SNX27: variants seen among roughly 807,000 people sequenced by gnomAD.
The protein encoded by SNX27 is sorting nexin-27.
Under a neutral mutation model 71.6 loss-of-function variants are expected in SNX27, and 22 were observed. The ratio of observed to expected loss-of-function variants is 0.31; its 90% CI spans 0.22 to 0.44. The LOEUF (loss-of-function observed/expected upper bound fraction) is 0.44, where lower values mean the gene tolerates loss of function less well. SNX27 is among the 20% of genes least tolerant of loss of function. The pLI, the probability that SNX27 is intolerant of heterozygous loss-of-function variation, is 1.00. For synonymous variants in SNX27, 269 were observed against 277.2 expected (o/e 0.97, Z 0.29); for missense variants, 531 against 698.6 (o/e 0.76, Z 2.70).
In SNX27 at chr1:151,698,314, G is replaced by A. The variant is rs568245994; in HGVS notation, c.*3897G>A. The A allele has an allele frequency of 1.3e-5, 2 of 152,574 alleles. No homozygotes were observed. The highest frequency in any genetic ancestry group is 3.9e-4 in the East Asian group (2 of 5,182). 9.5% of individuals were successfully genotyped at this position (152,574 alleles called of 1,614,324 possible). A position where few individuals can be genotyped will look rare whatever the true frequency, so the allele number is the denominator to read the frequency against. On this transcript the variant is annotated 3_prime_UTR_variant, in exon 12 of 12. Transcript: ENST00000458013. Reference sequence around the variant, plus strand: ...TGCCAACTTCTGGGCTGGGCTCCTAGGAGGTAGTTTTCTTGAAGGGGACTG... The same window carrying A: ...TGCCAACTTCTGGGCTGGGCTCCTAAGAGGTAGTTTTCTTGAAGGGGACTG...
At chr1:151,618,213 C>T (rs971898260) in intron 1 of SNX27, among the ~76,000 whole-genome samples, 1 of 152,002 alleles carries the variant, frequency 6.6e-6, no homozygotes, top group African/African-American at 2.4e-5. Context: ...AACTTTGGTT[C>T]TACTATTGTG....
At chr1:151,615,676 A>C (rs917111339) in intron 1 of SNX27, 1 of 983,048 alleles carries the variant, frequency 1.0e-6, no homozygotes, top group Admixed American at 6.2e-5. Flanking sequence ...GTATCAAGTC[A>C]TAGGTGAATG....
intron 2 of SNX27, among the ~76,000 whole-genome samples, chr1:151,651,096 C>T (rs1194189617): frequency 7.2e-5 from 11 of 151,880 alleles, no homozygotes; most frequent in African/African-American, 1.7e-4. Context: ...CATCCTGGCC[C>T]GTTCTCAATG....
At chr1:151,653,161 A>T (rs1358545587) in intron 2 of SNX27, among the ~76,000 whole-genome samples, 1 of 151,982 alleles carries the variant, frequency 6.6e-6, no homozygotes, top group African/African-American at 2.4e-5. Flanking sequence ...TCCTGATCTC[A>T]GGTGATCACC....
intron 1 of SNX27, among the ~76,000 whole-genome samples, chr1:151,624,684 G>A (rs1475587016): frequency 6.6e-6 from 1 of 151,266 alleles, no homozygotes; most frequent in Non-Finnish European, 1.5e-5. Context: ...CACCTACCTC[G>A]GCCTCCCAAA....
chr1:151,694,468 C>T lies in SNX27; in HGVS notation c.*51C>T, dbSNP rs753592676. On this transcript the variant is annotated 3_prime_UTR_variant, in exon 12 of 12. Transcript: ENST00000458013. ...TTCACCCCCATCCTCTTACTCCTTT[C>T]ATGTCCCATTTCAGACAGAGTAACC... 1.5e-5 allele frequency: 22 copies of T among 1,509,348 alleles called. No homozygotes were observed. The highest frequency in any genetic ancestry group is 1.7e-5 in the Non-Finnish European group (19 of 1,116,572). 93.5% of individuals were successfully genotyped at this position (1,509,348 alleles called of 1,614,324 possible).
chr1:151,643,525 C>G (rs1668880589), intron 2 of SNX27, among the ~76,000 whole-genome samples: 1 of 151,184 alleles, frequency 6.6e-6, no homozygotes, highest in African/African-American at 2.4e-5. Context: ...GAACTCCTGA[C>G]CTCATGATCC....
At chr1:151,676,534 G>A (rs1374696845) in intron 7 of SNX27, 3 of 151,632 alleles carry the variant, frequency 2.0e-5, no homozygotes, top group Non-Finnish European at 2.9e-5. Flanking sequence ...TCAAACTCCT[G>A]GGCTCAAGCG....
intron 8 of SNX27, among the ~76,000 whole-genome samples, chr1:151,686,691 C>G (rs1671202043): frequency 6.6e-6 from 1 of 152,246 alleles, no homozygotes; most frequent in Non-Finnish European, 1.5e-5. Context: ...ATTGAAACTT[C>G]TCACATGGGC....
At chr1:151,686,580 A>T (rs1362817210) in intron 8 of SNX27, among the ~76,000 whole-genome samples, 1 of 152,264 alleles carries the variant, frequency 6.6e-6, no homozygotes, top group Non-Finnish European at 1.5e-5. Flanking sequence ...TCAGATTTTG[A>T]AGAAAGGCTC....
intron 5 of SNX27, among the ~76,000 whole-genome samples, chr1:151,664,169 T>C (rs965970160): frequency 3.6e-5 from 5 of 139,780 alleles, no homozygotes; most frequent in Admixed American, 7.8e-5. Context: ...TATATAATTA[T>C]ATAATATACT....
intron 7 of SNX27, among the ~76,000 whole-genome samples, chr1:151,672,892 A>G (rs952962973): frequency 2.0e-5 from 3 of 150,018 alleles, no homozygotes; most frequent in African/African-American, 7.3e-5. Context: ...ATCTGGCTAA[A>G]GGTTTGTCTG....
At chr1:151,689,226 G>C (rs1373836505) in intron 8 of SNX27, among the ~76,000 whole-genome samples, 1 of 152,174 alleles carries the variant, frequency 6.6e-6, no homozygotes, top group African/African-American at 2.4e-5. Context: ...GAGAAGTGAA[G>C]TCTGAGAGAT....
At chr1:151,652,482 C>T (rs1401706526) in intron 2 of SNX27, among the ~76,000 whole-genome samples, 1 of 144,470 alleles carries the variant, frequency 6.9e-6, no homozygotes, top group Non-Finnish European at 1.5e-5. Flanking sequence ...GATCTCGGCT[C>T]ACTGCAACCT....
Position 151,692,406 on chromosome 1 carries a change from C to CTT in SNX27, c.1240-4_1240-3dup, listed in dbSNP as rs61159507. 36,778 of 853,772 alleles carry CTT rather than the reference C, an allele frequency of 0.043. 5,848 individuals carry two copies. Among genetic ancestry groups the CTT allele is most frequent in the Admixed American group, 0.065 (1,343 of 20,762 alleles). 52.9% of individuals were successfully genotyped at this position (853,772 alleles called of 1,614,324 possible). Reference sequence around the variant, plus strand: ...TAACCCTGTTTCCTGTTTCTCCTTCCTTTTTTTTTTTTTTTTTTTTTTTTT... The same window carrying CTT: ...TAACCCTGTTTCCTGTTTCTCCTTCCTTTTTTTTTTTTTTTTTTTTTTTTTTT... On this transcript the variant is annotated intron_variant, in intron 8 of 11. Coordinates refer to ENST00000458013, the MANE Select transcript of SNX27 (RefSeq NM_001330723.2).
intron 8 of SNX27, among the ~76,000 whole-genome samples, chr1:151,690,270 A>ATGCTT (rs1299284553): frequency 1.3e-5 from 2 of 152,078 alleles, no homozygotes; most frequent in African/African-American, 4.8e-5. Flanking sequence ...TCTCACTCAC[A>ATGCTT]TGCTTTTTTC....
At chr1:151,672,488 A>C (rs1320007182) in intron 7 of SNX27, among the ~76,000 whole-genome samples, 2 of 152,120 alleles carry the variant, frequency 1.3e-5, no homozygotes, top group Non-Finnish European at 1.5e-5. Context: ...TTTTGGTATC[A>C]AGGTGATACT....
Position 151,687,958 on chromosome 1 carries a change from A to C in SNX27, c.1240-4477A>C, listed in dbSNP as rs910028116. On this transcript the variant is annotated intron_variant, in intron 8 of 11. Transcript: ENST00000458013. ...CGGAGTCTGTCTCAAAAAAAAAAAA[A>C]AACAACGAAAAACAAAAAAAAAAAC... 1.7e-4 allele frequency among the ~76,000 whole-genome samples: 25 copies of C among 144,874 alleles called. 1 individual carries two copies. Among genetic ancestry groups the C allele is most frequent in the Non-Finnish European group, 2.7e-4 (18 of 65,572 alleles).
chr1:151,647,944 T>A (rs985620555), intron 2 of SNX27, among the ~76,000 whole-genome samples: 2 of 151,970 alleles, frequency 1.3e-5, no homozygotes, highest in Non-Finnish European at 2.9e-5. Context: ...GTAAAGGCAT[T>A]AAGATGTGTG....
Sources: gnomAD v4.1 joint callset for allele counts (sites outside exome capture counted in the v4.1 genomes callset) on GRCh38, gnomAD v4.1.1 for gene constraint, MANE v1.5 for transcripts, NCBI Gene and HGNC (gene_info 2026-07-23, HGNC 2026-07-21) for gene names.